CNTNAP2: variants seen among roughly 807,000 people sequenced by gnomAD.
CNTNAP2 encodes the protein contactin-associated protein-like 2.
CNTNAP2 carries 98 observed loss-of-function variants against 155.2 expected under a neutral mutation model. The ratio of observed to expected loss-of-function variants is 0.63; its 90% CI spans 0.54 to 0.75. The LOEUF is 0.75. Among genes scored for constraint, CNTNAP2 ranks in the 30% least tolerant of loss-of-function variants. The probability of loss-of-function intolerance (pLI) is 0.00; values close to 1 mark genes in which losing one functional copy is unlikely to be tolerated. For missense variants in CNTNAP2, 1,727 were observed against 1,688.1 expected (o/e 1.02, Z -0.40); for synonymous variants, 651 against 631.2 (o/e 1.03, Z -0.47).
At chr7:148,349,915 G>A (rs1052402105) in intron 21 of CNTNAP2, among the ~76,000 whole-genome samples, 2 of 152,192 alleles carry the variant, frequency 1.3e-5, no homozygotes, top group African/African-American at 4.8e-5. Context: ...TCATAGAGGA[G>A]GCAGTGGCCA....
chr7:148,163,193 C>A (rs1323174500), intron 17 of CNTNAP2, among the ~76,000 whole-genome samples: 1 of 152,132 alleles, frequency 6.6e-6, no homozygotes. Flanking sequence ...AGAGTGCAGG[C>A]TTAAAAGCTA....
At position 148,239,641 on chromosome 7, in the gene CNTNAP2, G is replaced by T. The variant is rs138426915; in HGVS notation, c.3381+9862G>T. ...TATTTGAGCACGTTTTCATTATTTG[G>T]TTCAGAAAGTAGCAGTATTTGACAA... On this transcript the variant is annotated intron_variant, in intron 20 of 23. Transcript: ENST00000361727. 4.2e-3 allele frequency among the ~76,000 whole-genome samples: 646 copies of T among 152,268 alleles called. 11 individuals are homozygous for T. Among genetic ancestry groups the T allele is most frequent in the African/African-American group, 0.014 (590 of 41,546 alleles).
chr7:146,493,106 T>C (rs1797163676), intron 1 of CNTNAP2, among the ~76,000 whole-genome samples: 1 of 152,324 alleles, frequency 6.6e-6, no homozygotes, highest in Admixed American at 6.5e-5. Context: ...TCTAACTTAC[T>C]TTCCTTGACA....
At chr7:146,419,793 T>C (rs1004487688) in intron 1 of CNTNAP2, among the ~76,000 whole-genome samples, 20 of 152,146 alleles carry the variant, frequency 1.3e-4, no homozygotes, top group African/African-American at 4.6e-4. Context: ...GCCACCAGGT[T>C]GCCCACAGTT....
intron 20 of CNTNAP2, among the ~76,000 whole-genome samples, chr7:148,254,697 AC>A (rs1204301050): frequency 1.4e-5 from 2 of 147,530 alleles, no homozygotes; most frequent in Non-Finnish European, 3.0e-5. Flanking sequence ...AATCGCTTGA[AC>A]CCAGGAGGCG....
At chr7:147,466,865 G>T (rs1377690607) in intron 10 of CNTNAP2, among the ~76,000 whole-genome samples, 1 of 152,184 alleles carries the variant, frequency 6.6e-6, no homozygotes, top group Non-Finnish European at 1.5e-5. Flanking sequence ...GTTGCAGTGA[G>T]CCAAGATCAT....
At chr7:147,005,343 T>A (rs1011764448) in intron 3 of CNTNAP2, among the ~76,000 whole-genome samples, 1 of 152,034 alleles carries the variant, frequency 6.6e-6, no homozygotes, top group Non-Finnish European at 1.5e-5. Context: ...CCATACACAA[T>A]AACCAATATT....
chr7:146,932,148 A>G lies in CNTNAP2; in HGVS notation c.402+92244A>G, dbSNP rs1392865383. Among the ~76,000 whole-genome samples the G allele has an allele frequency of 6.6e-5, 10 of 152,330 alleles. No homozygotes were observed. The South Asian group carries it at 8.3e-4, about 13-fold the overall frequency. ...AGACACAACCAAAAAAGAGAATTTT[A>G]GACCAATATCCTTGATGAACACTGA... On this transcript the variant is annotated intron_variant, in intron 3 of 23. Coordinates refer to ENST00000361727, the MANE Select transcript of CNTNAP2 (RefSeq NM_014141.6).
intron 8 of CNTNAP2, among the ~76,000 whole-genome samples, chr7:147,191,628 A>T (rs902257589): frequency 6.6e-5 from 10 of 152,158 alleles, no homozygotes; most frequent in Admixed American, 1.3e-4. Flanking sequence ...GAAGACATTT[A>T]TATATAGGAC....
At chr7:147,314,073 T>C (rs962188443) in intron 9 of CNTNAP2, among the ~76,000 whole-genome samples, 46 of 152,292 alleles carry the variant, frequency 3.0e-4, no homozygotes, top group Non-Finnish European at 5.1e-4. Flanking sequence ...TTGTCTGTTA[T>C]TGGTGTATAA....
intron 21 of CNTNAP2, among the ~76,000 whole-genome samples, chr7:148,352,097 C>T (rs112868797): frequency 0.023 from 3,473 of 152,226 alleles, 45 homozygotes; most frequent in African/African-American, 0.043. Flanking sequence ...GCAGGTCATT[C>T]GGGACCATGT....
intron 4 of CNTNAP2, chr7:147,085,868 T>G (rs1195025070): frequency 6.6e-6 from 1 of 152,244 alleles, no homozygotes; most frequent in African/African-American, 2.4e-5. Flanking sequence ...CATTTGCATC[T>G]GCAACCCAAA....
At chr7:147,998,268 C>T (rs905411854) in intron 15 of CNTNAP2, among the ~76,000 whole-genome samples, 32 of 151,892 alleles carry the variant, frequency 2.1e-4, no homozygotes, top group Non-Finnish European at 3.1e-4. Flanking sequence ...CCCGCCACCA[C>T]GTCTGGCTAA....
chr7:147,701,240 T>C (rs1227554825), intron 13 of CNTNAP2, among the ~76,000 whole-genome samples: 1 of 152,160 alleles, frequency 6.6e-6, no homozygotes, highest in East Asian at 1.9e-4. Flanking sequence ...AAAATGACCC[T>C]AGTGTAAAGT....
chr7:147,869,703 T>C (rs1799296417), intron 13 of CNTNAP2, among the ~76,000 whole-genome samples: 1 of 152,196 alleles, frequency 6.6e-6, no homozygotes, highest in Admixed American at 6.5e-5. Context: ...ATAATGACTG[T>C]AGTTGTGGTT....
chr7:147,354,821 G>T (rs755507043), intron 9 of CNTNAP2, among the ~76,000 whole-genome samples: 1 of 151,998 alleles, frequency 6.6e-6, no homozygotes, highest in Non-Finnish European at 1.5e-5. Flanking sequence ...TTGAGCAGTG[G>T]TTTGTAGCTC....
chr7:147,760,627 C>G (rs1034378917), intron 13 of CNTNAP2, among the ~76,000 whole-genome samples: 7 of 152,206 alleles, frequency 4.6e-5, no homozygotes, highest in Non-Finnish European at 7.3e-5. Context: ...TCCTGGCCTT[C>G]TGCTCCTTAG....
At chr7:146,442,739 C>T (rs889420826) in intron 1 of CNTNAP2, among the ~76,000 whole-genome samples, 1 of 152,146 alleles carries the variant, frequency 6.6e-6, no homozygotes, top group Non-Finnish European at 1.5e-5. Context: ...ACACCTAGCC[C>T]TGTTCCGTGG....
intron 3 of CNTNAP2, among the ~76,000 whole-genome samples, chr7:147,029,032 C>T (rs561291110): frequency 2.7e-4 from 39 of 142,208 alleles, no homozygotes; most frequent in Admixed American, 8.2e-4. Flanking sequence ...GGTGCGATCT[C>T]GGCTCACTGC....
Sources: allele counts gnomAD v4.1 joint callset (sites outside exome capture counted in the v4.1 genomes callset), GRCh38; gene constraint gnomAD v4.1.1; transcripts MANE v1.5; gene names NCBI Gene and HGNC (gene_info 2026-07-23, HGNC 2026-07-21).